Variants in ASH1L observed in about 807,000 individuals in gnomAD.
The protein encoded by ASH1L is ASH1 like histone lysine methyltransferase.
Under a neutral mutation model 269.0 loss-of-function variants are expected in ASH1L, and 23 were observed. The ratio of observed to expected loss-of-function variants is 0.09; its 90% CI spans 0.06 to 0.12. The LOEUF (loss-of-function observed/expected upper bound fraction) is 0.12. Ranked by LOEUF, ASH1L falls within the 10% of genes least tolerant of loss-of-function variation. ASH1L has a pLI of 1.00. For missense variants in ASH1L, 2,912 were observed against 3,567.8 expected, an observed-to-expected ratio of 0.82 and a Z score of 4.68; for synonymous variants, 1,187 against 1,253.5, an observed-to-expected ratio of 0.95 and a Z score of 1.12.
upstream of ASH1L, chr1:155,562,878 G>GGCCGCC (rs760485253): frequency 2.6e-4 from 85 of 321,794 alleles, no homozygotes; most frequent in Admixed American, 4.0e-4. Flanking sequence ...CCGCCGCCAC[G>GGCCGCC]GCCGCCGCCG....
intron 1 of ASH1L, among the ~76,000 whole-genome samples, chr1:155,544,898 C>T (rs895466394): frequency 5.9e-5 from 9 of 151,696 alleles, no homozygotes; most frequent in Non-Finnish European, 4.4e-5. Flanking sequence ...ATTGGCCGGG[C>T]GCAGTGGCCC....
chr1:155,388,323 ACT>A (rs1657612530), intron 7 of ASH1L, among the ~76,000 whole-genome samples: 1 of 151,938 alleles, frequency 6.6e-6, no homozygotes, highest in African/African-American at 2.4e-5. Flanking sequence ...ACAGGATCTC[ACT>A]CTGTCTTTCA....
At chr1:155,378,221 G>A in intron 10 of ASH1L, 60 bp downstream of exon 10, 1 of 1,310,396 alleles carries the variant, frequency 7.6e-7, no homozygotes, top group Non-Finnish European at 1.1e-6. Context: ...ACCCTCCAAA[G>A]GAAGTGTTGT....
intron 10 of ASH1L, among the ~76,000 whole-genome samples, chr1:155,371,565 T>C (rs1296259807): frequency 6.6e-6 from 1 of 151,800 alleles, no homozygotes; most frequent in African/African-American, 2.4e-5. Context: ...ATAAATAAAA[T>C]AAATAAATAA....
chr1:155,539,932 T>C (rs1258407150), intron 1 of ASH1L, among the ~76,000 whole-genome samples: 1 of 151,888 alleles, frequency 6.6e-6, no homozygotes. Context: ...CTAGGTGTTG[T>C]GGCACACCCA....
intron 7 of ASH1L, among the ~76,000 whole-genome samples, chr1:155,391,777 AAACCCT>A (rs1487968143): frequency 2.6e-5 from 4 of 152,050 alleles, no homozygotes; most frequent in African/African-American, 9.7e-5. Flanking sequence ...CAACATGGTG[AAACCCT>A]ATCTTTATCA....
intron 3 of ASH1L, among the ~76,000 whole-genome samples, chr1:155,472,319 G>C (rs1481390004): frequency 6.6e-6 from 1 of 152,048 alleles, no homozygotes; most frequent in Non-Finnish European, 1.5e-5. Flanking sequence ...TTTTTAAAAA[G>C]ACAAATTCGT....
At chr1:155,528,633 G>A (rs561457337) in intron 1 of ASH1L, among the ~76,000 whole-genome samples, 3 of 152,194 alleles carry the variant, frequency 2.0e-5, no homozygotes, top group Non-Finnish European at 4.4e-5. Context: ...CTTCAGTTGA[G>A]TAGATGAAGT....
At chr1:155,354,409 C>A in intron 16 of ASH1L, 64 bp downstream of exon 16, 2 of 1,496,842 alleles carry the variant, frequency 1.3e-6, no homozygotes, top group South Asian at 1.3e-5. Context: ...TGCCATTGCA[C>A]TCCAGTCTGG....
At chr1:155,342,292 A>C (rs955021963) in intron 24 of ASH1L, among the ~76,000 whole-genome samples, 190 bp from the exon 25 acceptor site, 6 of 152,216 alleles carry the variant, frequency 3.9e-5, no homozygotes, top group Admixed American at 3.9e-4. Flanking sequence ...TAGTGTCAAC[A>C]AAGGATAAAG....
intron 3 of ASH1L, among the ~76,000 whole-genome samples, chr1:155,471,560 G>A (rs1665101040): frequency 6.6e-6 from 1 of 152,246 alleles, no homozygotes; most frequent in Admixed American, 6.5e-5. Flanking sequence ...TGTGCTGGGA[G>A]GGCAATGTGC....
intron 15 of ASH1L, 100 bp from the exon 16 acceptor site, chr1:155,354,730 T>A (rs893397700): frequency 2.6e-6 from 3 of 1,157,386 alleles, no homozygotes; most frequent in African/African-American, 3.1e-5. Flanking sequence ...TATACGTGAA[T>A]TGAGCTGTTG....
chr1:155,444,368 G>T (rs890481369), intron 4 of ASH1L, among the ~76,000 whole-genome samples: 1 of 152,108 alleles, frequency 6.6e-6, no homozygotes, highest in Admixed American at 6.6e-5. Flanking sequence ...CAATGACTGA[G>T]TTAAAGATCC....
At chr1:155,433,176 C>A (rs2148600512) in intron 5 of ASH1L, 1 of 1,526,878 alleles carries the variant, frequency 6.5e-7, no homozygotes, top group Non-Finnish European at 8.8e-7. Flanking sequence ...CGCCTTCCTT[C>A]CCCATGGCGG....
Position 155,338,097 on chromosome 1 carries a change from C to G in ASH1L, c.8795G>C (p.Gly2932Ala). The change falls in exon 27 of 28, where the codon GGA (glycine) becomes GCA (alanine). Residue 2932 changes from glycine to alanine, a missense_variant. Coordinates refer to ENST00000392403, the MANE Select transcript of ASH1L (RefSeq NM_018489.3). The part of the protein sequence containing the change: ...ILLNLLEKIP[G>A]KNAIDVTYLL... ...AACCTGATTCTTCTTACCATTTTTT[C>G]CAGGGATTTTTTCAAGGAGATTGAG... 1 of 1,609,910 alleles carries G rather than the reference C, an allele frequency of 6.2e-7. No individual in the cohort carries two copies.
At chr1:155,426,175 C>T (rs113229191) in intron 5 of ASH1L, among the ~76,000 whole-genome samples, 1,542 of 152,282 alleles carry the variant, frequency 0.01, 37 homozygotes, top group African/African-American at 0.036. Flanking sequence ...AGTGATTCTC[C>T]TGCCTCAGCC....
intron 26 of ASH1L, 112 bp from the exon 27 acceptor site, chr1:155,338,502 A>G (rs1434398358): frequency 6.8e-6 from 6 of 879,812 alleles, no homozygotes; most frequent in Admixed American, 2.9e-5. Flanking sequence ...TTAGAGCCTT[A>G]GCTTGAGGTA....
intron 2 of ASH1L, among the ~76,000 whole-genome samples, chr1:155,501,000 A>G (rs1667464335): frequency 6.6e-6 from 1 of 152,072 alleles, no homozygotes; most frequent in Non-Finnish European, 1.5e-5. Context: ...AAAAAAAAAG[A>G]GCTAAGGAGC....
chr1:155,420,927 A>G (rs1360899144), intron 5 of ASH1L, among the ~76,000 whole-genome samples: 1 of 150,986 alleles, frequency 6.6e-6, no homozygotes, highest in Non-Finnish European at 1.5e-5. Context: ...GGAATTAAAC[A>G]CTGAATGTCA....
Sources: gnomAD v4.1 joint callset for allele counts (sites outside exome capture counted in the v4.1 genomes callset) on GRCh38, gnomAD v4.1.1 for gene constraint, MANE v1.5 for transcripts, NCBI Gene and HGNC (gene_info 2026-07-23, HGNC 2026-07-21) for gene names.